Variants in GALNT13 observed in about 807,000 individuals in gnomAD.
The protein encoded by GALNT13 is UDP-GalNAc:polypeptide N-acetylgalactosaminyltransferase 13.
Under a neutral mutation model 64.2 loss-of-function variants are expected in GALNT13, and 28 were observed. The ratio of observed to expected loss-of-function variants is 0.44; its 90% CI spans 0.32 to 0.60. The LOEUF is 0.60. Ranked by LOEUF, GALNT13 falls within the 20% of genes least tolerant of loss-of-function variation. The pLI, the probability that GALNT13 is intolerant of heterozygous loss-of-function variation, is 0.05. For missense variants in GALNT13, 577 were observed against 669.8 expected (o/e 0.86, Z 1.53); for synonymous variants, 214 against 224.6 (o/e 0.95, Z 0.42).
the GALNT13 span, among the ~76,000 whole-genome samples, chr2:153,632,577 T>C: frequency 0.16 from 23,753 of 152,118 alleles, 1,960 homozygotes; most frequent in African/African-American, 0.19. Flanking sequence ...ACTCCCTCTG[T>C]AGTTTTACTA....
At chr2:153,798,963 CAT>C in the GALNT13 span, among the ~76,000 whole-genome samples, 1 of 152,040 alleles carries the variant, frequency 6.6e-6, no homozygotes. Context: ...GAAATACTGA[CAT>C]ATTATTTTCA....
chr2:154,279,589 A>T (rs112743726), intron 8 of GALNT13, among the ~76,000 whole-genome samples: 1 of 152,162 alleles, frequency 6.6e-6, no homozygotes, highest in Admixed American at 6.5e-5. Flanking sequence ...TAAATTTCAC[A>T]AGAATAACAT....
the GALNT13 span, among the ~76,000 whole-genome samples, chr2:153,720,484 A>T: frequency 1.3e-5 from 2 of 149,928 alleles, no homozygotes; most frequent in East Asian, 3.9e-4. Flanking sequence ...GAGCTGAGAG[A>T]GGAAGGCTTC....
chr2:153,450,897 T>C, the GALNT13 span, among the ~76,000 whole-genome samples: 4 of 152,330 alleles, frequency 2.6e-5, no homozygotes, highest in East Asian at 7.7e-4. Context: ...TTTCAAAAGA[T>C]GGATGAAAGT....
chr2:154,426,286 TC>T (rs1228864201), intron 11 of GALNT13, among the ~76,000 whole-genome samples: 2 of 152,212 alleles, frequency 1.3e-5, no homozygotes, highest in African/African-American at 4.8e-5. Context: ...TGTAGCTCTC[TC>T]CAAATCATGG....
rs541737203 is a variant in GALNT13 at position 154,068,327 on chromosome 2, G to C, written c.143-72010G>C. On this transcript the variant is annotated intron_variant, in intron 3 of 12. Coordinates refer to ENST00000392825, the MANE Select transcript of GALNT13 (RefSeq NM_052917.4). Reference sequence around the variant, plus strand: ...GAAGATTCTTCAAAATACTAAAAATGGATCTGCCATATGATCCTGCAATCC... The same window carrying C: ...GAAGATTCTTCAAAATACTAAAAATCGATCTGCCATATGATCCTGCAATCC... Among the ~76,000 whole-genome samples, 161 of 151,912 alleles carry C rather than the reference G, an allele frequency of 1.1e-3. 1 individual carries two copies. The highest frequency in any genetic ancestry group is 3.5e-3 in the African/African-American group (144 of 41,504).
chr2:153,692,369 T>A, the GALNT13 span, among the ~76,000 whole-genome samples: 1 of 152,112 alleles, frequency 6.6e-6, no homozygotes, highest in East Asian at 1.9e-4. Flanking sequence ...AAAAAAACAA[T>A]AATGAATCCC....
intron 3 of GALNT13, among the ~76,000 whole-genome samples, chr2:153,970,327 T>A (rs1028882550): frequency 2.6e-5 from 4 of 152,206 alleles, no homozygotes; most frequent in African/African-American, 7.2e-5. Context: ...TCATCATCCC[T>A]GCCTCCTTGT....
At chr2:154,255,678 G>A (rs920789628) in intron 7 of GALNT13, among the ~76,000 whole-genome samples, 3 of 151,932 alleles carry the variant, frequency 2.0e-5, no homozygotes, top group Non-Finnish European at 2.9e-5. Flanking sequence ...GATTGAAGGA[G>A]TTTAGATTTC....
chr2:153,910,437 A>G (rs1688860864), intron 2 of GALNT13, among the ~76,000 whole-genome samples: 1 of 151,974 alleles, frequency 6.6e-6, no homozygotes, highest in African/African-American at 2.4e-5. Context: ...AATCTCTTTC[A>G]GTTCAGCATT....
chr2:153,550,659 G>T, the GALNT13 span, among the ~76,000 whole-genome samples: 1 of 152,150 alleles, frequency 6.6e-6, no homozygotes, highest in African/African-American at 2.4e-5. Context: ...TGCCTACTAA[G>T]TATAATGAAC....
intron 3 of GALNT13, among the ~76,000 whole-genome samples, chr2:154,033,169 T>C (rs939068397): frequency 2.0e-5 from 3 of 151,992 alleles, no homozygotes; most frequent in African/African-American, 2.4e-5. Context: ...TCACACCTTA[T>C]ATAAAGGTTA....
the GALNT13 span, among the ~76,000 whole-genome samples, chr2:153,769,718 A>G: frequency 6.6e-6 from 1 of 152,192 alleles, no homozygotes. Context: ...TGGAATACAT[A>G]TAACTCATAA....
At chr2:153,838,348 C>T in the GALNT13 span, among the ~76,000 whole-genome samples, 1 of 151,840 alleles carries the variant, frequency 6.6e-6, no homozygotes, top group Admixed American at 6.6e-5. Context: ...GTGGTTTTCC[C>T]CCTATATTTC....
At chr2:153,778,725 A>C in the GALNT13 span, among the ~76,000 whole-genome samples, 1 of 152,150 alleles carries the variant, frequency 6.6e-6, no homozygotes, top group Non-Finnish European at 1.5e-5. Context: ...TATAATCTCA[A>C]CTTCTAAACT....
At chr2:153,736,505 T>C in the GALNT13 span, among the ~76,000 whole-genome samples, 1 of 152,192 alleles carries the variant, frequency 6.6e-6, no homozygotes, top group South Asian at 2.1e-4. Flanking sequence ...TGTTTATTGT[T>C]ATTGGTATAT....
intron 4 of GALNT13, among the ~76,000 whole-genome samples, chr2:154,218,421 C>G (rs1049036675): frequency 2.6e-5 from 4 of 152,096 alleles, no homozygotes; most frequent in African/African-American, 9.7e-5. Context: ...AATATGCCCT[C>G]CCTTCACCTC....
At chr2:154,344,567 C>T (rs1408576779) in intron 9 of GALNT13, among the ~76,000 whole-genome samples, 2 of 151,962 alleles carry the variant, frequency 1.3e-5, no homozygotes, top group Non-Finnish European at 2.9e-5. Flanking sequence ...CTTCGTTTTT[C>T]CTATGAAGAT....
intron 3 of GALNT13, among the ~76,000 whole-genome samples, chr2:154,037,928 A>G (rs958124421): frequency 7.2e-5 from 11 of 152,138 alleles, no homozygotes; most frequent in Admixed American, 5.9e-4. Context: ...CTGATGCAGG[A>G]AGACTGCTTG....
Sources: allele counts gnomAD v4.1 joint callset (sites outside exome capture counted in the v4.1 genomes callset), GRCh38; gene constraint gnomAD v4.1.1; transcripts MANE v1.5; gene names NCBI Gene and HGNC (gene_info 2026-07-23, HGNC 2026-07-21).